Variants in ITSN2 observed in about 807,000 individuals in gnomAD.
ITSN2 encodes the protein intersectin 2, also known as intersectin-2.
In ITSN2, 156 loss-of-function variants were observed where a neutral mutation model predicts 243.7. The ratio of observed to expected loss-of-function variants is 0.64; its 90% CI spans 0.56 to 0.73. The LOEUF (loss-of-function observed/expected upper bound fraction) is 0.73, where lower values mean the gene tolerates loss of function less well. ITSN2 is among the 30% of genes least tolerant of loss of function. The pLI is 0.00. For missense variants in ITSN2, 1,801 were observed against 1,996.1 expected (o/e 0.90, Z 1.86); for synonymous variants, 703 against 699.9 (o/e 1.00, Z -0.07).
chr2:24,343,942 A>C (rs1687289481), intron 1 of ITSN2, among the ~76,000 whole-genome samples: 1 of 152,202 alleles, frequency 6.6e-6, no homozygotes, highest in African/African-American at 2.4e-5. Context: ...CAGACAGGGG[A>C]GGAGGGGTGA....
At chr2:24,287,615 T>C (rs1666342913) in intron 15 of ITSN2, among the ~76,000 whole-genome samples, 1 of 152,054 alleles carries the variant, frequency 6.6e-6, no homozygotes. Context: ...GAAACCTTCA[T>C]ACTGTTTTCC....
chr2:24,272,052 T>G, intron 18 of ITSN2, 111 bp from the exon 19 acceptor site: 1 of 861,366 alleles, frequency 1.2e-6, no homozygotes, highest in South Asian at 1.9e-5. Context: ...AATGAAGTAT[T>G]AGTACAGGGG....
chr2:24,205,577 C>A (rs1668779788), intron 37 of ITSN2: 2 of 388,638 alleles, frequency 5.1e-6, no homozygotes, highest in East Asian at 1.1e-4. Context: ...AGATCCCTTC[C>A]CTCCTCTGCA....
At chr2:24,203,970 C>T (rs1668578105) in intron 39 of ITSN2, 187 bp from the exon 40 acceptor site, 2 of 651,598 alleles carry the variant, frequency 3.1e-6, no homozygotes, top group Non-Finnish European at 2.6e-6. Context: ...TGAGAAGCTG[C>T]CACATGGAAT....
At chr2:24,236,123 C>A (rs1558462460) in intron 29 of ITSN2, among the ~76,000 whole-genome samples, 1 of 115,802 alleles carries the variant, frequency 8.6e-6, no homozygotes, top group Non-Finnish European at 1.9e-5. Context: ...AATGAATGAA[C>A]AAAACGTGGC....
At chr2:24,307,927 AAT>A (rs1682764420) in intron 8 of ITSN2, among the ~76,000 whole-genome samples, 1 of 152,226 alleles carries the variant, frequency 6.6e-6, no homozygotes, top group African/African-American at 2.4e-5. Flanking sequence ...CTTCAGCTTC[AAT>A]ATATCTCATT....
In ITSN2 at chr2:24,301,856, A is replaced by G. The variant is rs72793213; in HGVS notation, c.995+109T>C. On this transcript the variant is annotated intron_variant, in intron 10 of 39. Coordinates refer to ENST00000355123, the MANE Select transcript of ITSN2 (RefSeq NM_006277.3). ...CTTCTAATATGTACCCTTTTCAAGTATAACTTGTTGAATACTAAAATCAAT... is the reference window on the plus strand; with the variant it reads ...CTTCTAATATGTACCCTTTTCAAGTGTAACTTGTTGAATACTAAAATCAAT... 254,342 of 1,075,582 alleles carry G rather than the reference A, an allele frequency of 0.24. 32,370 individuals are homozygous for G. Among genetic ancestry groups the G allele is most frequent in the Non-Finnish European group, 0.27 (203,704 of 765,342 alleles). 66.6% of individuals were successfully genotyped at this position (1,075,582 alleles called of 1,614,324 possible). A position where few individuals can be genotyped will look rare whatever the true frequency, so the allele number is the denominator to read the frequency against.
At chr2:24,328,186 C>A (rs1472773426) in intron 1 of ITSN2, 71 bp from the exon 2 acceptor site, 4 of 1,069,608 alleles carry the variant, frequency 3.7e-6, no homozygotes, top group Non-Finnish European at 5.8e-6. Context: ...ACCCGCTAAG[C>A]AGTAGGAATG....
chr2:24,275,780 A>G lies in ITSN2; in HGVS notation c.2014T>C (p.Leu672=), dbSNP rs751213029. 22 of 1,612,504 alleles carry G rather than the reference A, an allele frequency of 1.4e-5. No homozygotes were observed. Among genetic ancestry groups the G allele is most frequent in the East Asian group, 2.2e-5 (1 of 44,764 alleles). The change falls in exon 18 of 40, where the codon TTG becomes CTG. Residue 672 remains leucine, a synonymous_variant. Transcript: ENST00000355123. ...EQLYKIKRDK[L]KEIERKRLEL... is the part of the protein sequence containing the mutation. ...AATCTTTTCCTTTCAATTTCCTTCA[A>G]CTTGTCACGTTTGATCTTATAAAGC...
chr2:24,327,342 C>G (rs1412879286), intron 2 of ITSN2, among the ~76,000 whole-genome samples: 1 of 151,484 alleles, frequency 6.6e-6, no homozygotes, highest in African/African-American at 2.4e-5. Flanking sequence ...CTTTCCCAGG[C>G]TGGAGTGTAG....
intron 1 of ITSN2, among the ~76,000 whole-genome samples, chr2:24,357,266 T>C (rs984119046): frequency 6.6e-6 from 1 of 152,158 alleles, no homozygotes; most frequent in Non-Finnish European, 1.5e-5. Context: ...GAAAATGTGA[T>C]ATACATACAC....
rs1415118353 is a variant in ITSN2 at position 24,281,154 on chromosome 2, G to A, written c.1944+3609C>T. ...AGCAATTCTCCTGCCTCAGCCTCCC[G>A]AGTAGCTGGGATTAAAGGCGCGTGC... On this transcript the variant is annotated intron_variant, in intron 17 of 39. Coordinates refer to ENST00000355123, the MANE Select transcript of ITSN2 (RefSeq NM_006277.3). Among the ~76,000 whole-genome samples the A allele has an allele frequency of 3.3e-5, 5 of 152,084 alleles. No homozygotes were observed. The East Asian group carries it at 5.8e-4, about 18-fold the overall frequency.
At chr2:24,330,848 C>G (rs545139140) in intron 1 of ITSN2, among the ~76,000 whole-genome samples, 71 of 152,074 alleles carry the variant, frequency 4.7e-4, no homozygotes, top group Non-Finnish European at 9.1e-4. Flanking sequence ...CTCACTGCAA[C>G]CTCCACCTCG....
chr2:24,251,981 A>C (rs1402388204), intron 25 of ITSN2, among the ~76,000 whole-genome samples: 1 of 152,182 alleles, frequency 6.6e-6, no homozygotes, highest in Non-Finnish European at 1.5e-5. Flanking sequence ...GAGTCACATT[A>C]ATGTTACAGT....
At chr2:24,243,158 G>A (rs912589642) in intron 29 of ITSN2, among the ~76,000 whole-genome samples, 2 of 152,046 alleles carry the variant, frequency 1.3e-5, no homozygotes, top group African/African-American at 4.8e-5. Context: ...AAAGATTTAG[G>A]GGGTCTTTTT....
At chr2:24,349,113 A>AATC (rs886545372) in intron 1 of ITSN2, among the ~76,000 whole-genome samples, 4 of 149,956 alleles carry the variant, frequency 2.7e-5, no homozygotes, top group Admixed American at 1.3e-4. Context: ...CAACAACAAT[A>AATC]ATCATCATCA....
At chr2:24,212,547 A>C in intron 33 of ITSN2, 103 bp downstream of exon 33, 1 of 802,782 alleles carries the variant, frequency 1.2e-6, no homozygotes, top group South Asian at 1.7e-5. Flanking sequence ...CACTGTGTGC[A>C]GGGTGAGGTG....
intron 15 of ITSN2, among the ~76,000 whole-genome samples, chr2:24,289,927 C>T (rs138065341): frequency 1.2e-3 from 178 of 152,254 alleles, no homozygotes; most frequent in African/African-American, 4.1e-3. Flanking sequence ...CAGTTTACCC[C>T]CATTGATTAT....
chr2:24,271,396 A>G (rs1677326799), intron 19 of ITSN2, among the ~76,000 whole-genome samples: 1 of 152,226 alleles, frequency 6.6e-6, no homozygotes, highest in South Asian at 2.1e-4. Context: ...TACTAAAAGT[A>G]TTGTGGAAAT....
Sources: gnomAD v4.1 joint callset for allele counts (sites outside exome capture counted in the v4.1 genomes callset) on GRCh38, gnomAD v4.1.1 for gene constraint, MANE v1.5 for transcripts, NCBI Gene and HGNC (gene_info 2026-07-23, HGNC 2026-07-21) for gene names.